The following AFG2A variants were observed in gnomAD, a reference collection of about 807,000 sequenced individuals.
AFG2A encodes the protein ATPase family gene 2 protein homolog A.
chr4:123,187,628 TATCTAAGC>T, the AFG2A span, among the ~76,000 whole-genome samples: 1 of 152,152 alleles, frequency 6.6e-6, no homozygotes, highest in Non-Finnish European at 1.5e-5. Context: ...GTTATTTTTA[TATCTAAGC>T]TAAAGTGATC....
the AFG2A span, among the ~76,000 whole-genome samples, chr4:123,187,195 G>C: frequency 6.6e-6 from 1 of 152,256 alleles, no homozygotes; most frequent in East Asian, 1.9e-4. Flanking sequence ...CTTGGTTTCT[G>C]CTGTTGTTCT....
the AFG2A span, among the ~76,000 whole-genome samples, chr4:122,999,937 T>A: frequency 7.7e-4 from 117 of 152,332 alleles, no homozygotes; most frequent in African/African-American, 2.5e-3. Context: ...TTCCTACCCA[T>A]GAGCATGGAA....
chr4:123,027,835 A>G, the AFG2A span, among the ~76,000 whole-genome samples: 1 of 152,222 alleles, frequency 6.6e-6, no homozygotes, highest in African/African-American at 2.4e-5. Context: ...AGATATATAG[A>G]TGAGACCTTG....
At chr4:123,248,032 A>C in the AFG2A span, among the ~76,000 whole-genome samples, 194 of 152,332 alleles carry the variant, frequency 1.3e-3, 1 homozygote, top group Non-Finnish European at 1.1e-3. Context: ...GGTAAGGACC[A>C]AGTCATATGC....
At chr4:123,156,783 A>C in the AFG2A span, among the ~76,000 whole-genome samples, 1,676 of 151,588 alleles carry the variant, frequency 0.011, 31 homozygotes, top group South Asian at 0.094. Flanking sequence ...AAAAGAAAAA[A>C]AAAGAAACTC....
chr4:123,159,704 C>T, the AFG2A span, among the ~76,000 whole-genome samples: 2 of 151,980 alleles, frequency 1.3e-5, no homozygotes, highest in African/African-American at 4.8e-5. Context: ...GACCTAGGAC[C>T]GGGAGGTGCA....
chr4:123,179,371 C>T, the AFG2A span, among the ~76,000 whole-genome samples: 2 of 152,140 alleles, frequency 1.3e-5, no homozygotes, highest in African/African-American at 2.4e-5. Flanking sequence ...GACAGAGTCT[C>T]ACTGTGGCAC....
the AFG2A span, among the ~76,000 whole-genome samples, chr4:123,207,398 C>T: frequency 6.6e-6 from 1 of 150,930 alleles, no homozygotes; most frequent in African/African-American, 2.4e-5. Flanking sequence ...ATTGCCACCT[C>T]TGCCACCTGG....
At chr4:122,989,863 T>C in the AFG2A span, among the ~76,000 whole-genome samples, 1 of 152,148 alleles carries the variant, frequency 6.6e-6, no homozygotes, top group Non-Finnish European at 1.5e-5. Flanking sequence ...TTCTTATTTA[T>C]TTATTATTTT....
the AFG2A span, among the ~76,000 whole-genome samples, chr4:123,133,941 G>A: frequency 6.6e-6 from 1 of 152,114 alleles, no homozygotes; most frequent in Non-Finnish European, 1.5e-5. Context: ...AATGTGTATT[G>A]AAGTTCTTTC....
the AFG2A span, among the ~76,000 whole-genome samples, chr4:123,277,444 C>G: frequency 6.6e-6 from 1 of 152,118 alleles, no homozygotes; most frequent in African/African-American, 2.4e-5. Flanking sequence ...TTGACTTTGT[C>G]TCTTCCTATT....
the AFG2A span, among the ~76,000 whole-genome samples, chr4:123,017,323 C>T: frequency 2.7e-5 from 4 of 148,740 alleles, no homozygotes; most frequent in Admixed American, 6.7e-5. Flanking sequence ...CTATAGTTGC[C>T]TTATGGCACC....
At chr4:123,009,207 T>C in the AFG2A span, among the ~76,000 whole-genome samples, 1 of 152,192 alleles carries the variant, frequency 6.6e-6, no homozygotes, top group African/African-American at 2.4e-5. Flanking sequence ...TCCCAGCAAC[T>C]ATGTGTGACA....
the AFG2A span, among the ~76,000 whole-genome samples, chr4:122,944,884 A>C: frequency 6.6e-6 from 1 of 152,022 alleles, no homozygotes; most frequent in Non-Finnish European, 1.5e-5. Context: ...GGTCTGTTGG[A>C]GTTTGCTAGA....
At chr4:123,146,222 AT>A in the AFG2A span, among the ~76,000 whole-genome samples, 1 of 152,192 alleles carries the variant, frequency 6.6e-6, no homozygotes, top group African/African-American at 2.4e-5. Flanking sequence ...TACCAACACT[AT>A]TTCTGAAAAG....
the AFG2A span, among the ~76,000 whole-genome samples, chr4:123,191,622 C>G: frequency 3.9e-5 from 6 of 152,050 alleles, no homozygotes; most frequent in Non-Finnish European, 8.8e-5. Flanking sequence ...TTCTCATTCT[C>G]TCATCTATCC....
chr4:123,270,514 G>C, the AFG2A span, among the ~76,000 whole-genome samples: 2 of 152,148 alleles, frequency 1.3e-5, no homozygotes, highest in Non-Finnish European at 2.9e-5. Context: ...AACCTTGTGT[G>C]CTTTGTGCAT....
chr4:123,008,428 A>G, the AFG2A span, among the ~76,000 whole-genome samples: 1 of 152,234 alleles, frequency 6.6e-6, no homozygotes, highest in African/African-American at 2.4e-5. Context: ...AGGACCAAAC[A>G]AACCATATCC....
chr4:123,241,372 G>A, the AFG2A span, among the ~76,000 whole-genome samples: 6 of 152,028 alleles, frequency 3.9e-5, no homozygotes, highest in Admixed American at 2.6e-4. Flanking sequence ...ACATCGATGC[G>A]AGAATCCTCA....
Sources: allele counts gnomAD v4.1 joint callset (sites outside exome capture counted in the v4.1 genomes callset), GRCh38; gene constraint gnomAD v4.1.1; transcripts MANE v1.5; gene names NCBI Gene and HGNC (gene_info 2026-07-23, HGNC 2026-07-21).